Variants in INSL6 observed in about 807,000 individuals in gnomAD.
INSL6 encodes insulin like 6.
INSL6 carries 16 observed loss-of-function variants against 9.4 expected under a neutral mutation model. That is an observed-to-expected ratio of 1.70 (90% CI 1.15 to 2.59). The LOEUF (loss-of-function observed/expected upper bound fraction) is 2.59, where lower values mean the gene tolerates loss of function less well. Ranked by LOEUF, INSL6 falls within the 30% of genes most tolerant of loss-of-function variation. The probability of loss-of-function intolerance (pLI) is 0.00; values close to 1 mark genes in which losing one functional copy is unlikely to be tolerated. For synonymous variants in INSL6, 154 were observed against 96.9 expected (o/e 1.59, Z -3.46); for missense variants, 391 against 257.3 (o/e 1.52, Z -3.56).
chr9:5,105,578 T>C, the INSL6 span, among the ~76,000 whole-genome samples: 14 of 152,144 alleles, frequency 9.2e-5, no homozygotes, highest in African/African-American at 3.1e-4. Flanking sequence ...CAAGTTCATA[T>C]GGAACCAAAA....
At chr9:5,087,595 C>T in the INSL6 span, among the ~76,000 whole-genome samples, 5 of 152,134 alleles carry the variant, frequency 3.3e-5, no homozygotes, top group South Asian at 6.2e-4. Flanking sequence ...AGAGGCATTC[C>T]GAATTAAAAG....
chr9:5,016,408 T>C, the INSL6 span, among the ~76,000 whole-genome samples: 3 of 152,140 alleles, frequency 2.0e-5, no homozygotes, highest in African/African-American at 7.2e-5. Flanking sequence ...TGTGTGTGTG[T>C]TGAGGGCAAG....
chr9:5,090,357 G>T, the INSL6 span: 1 of 970,988 alleles, frequency 1.0e-6, no homozygotes, highest in African/African-American at 1.7e-5. Flanking sequence ...TTTCATATAT[G>T]TTTAAGTCAT....
the INSL6 span, chr9:5,044,299 G>A: frequency 5.6e-6 from 4 of 718,818 alleles, no homozygotes; most frequent in East Asian, 2.6e-5. Flanking sequence ...TGTTTTCTAA[G>A]TATGGGATAA....
the INSL6 span, among the ~76,000 whole-genome samples, chr9:5,015,353 G>T: frequency 6.6e-6 from 1 of 152,088 alleles, no homozygotes; most frequent in African/African-American, 2.4e-5. Flanking sequence ...ACCTATTCAA[G>T]GGTTTAATGA....
chr9:5,132,845 C>G (rs1824317516), intron 3 of INSL6: 1 of 152,178 alleles, frequency 6.6e-6, no homozygotes, highest in Non-Finnish European at 1.5e-5. Flanking sequence ...TTAAAATTCC[C>G]TGTTAAACAT....
chr9:5,088,873 C>T, the INSL6 span, among the ~76,000 whole-genome samples: 1 of 152,230 alleles, frequency 6.6e-6, no homozygotes, highest in East Asian at 1.9e-4. Flanking sequence ...ATCACCTCCT[C>T]ACAAGGCCCT....
intron 2 of INSL6, among the ~76,000 whole-genome samples, chr9:5,157,735 A>T (rs1824842692): frequency 6.6e-6 from 1 of 152,216 alleles, no homozygotes; most frequent in African/African-American, 2.4e-5. Flanking sequence ...TGGTACAAAT[A>T]AACCCAGACT....
In INSL6 at chr9:5,130,714, T is replaced by A. The variant is rs539121450; in HGVS notation, c.*10+2711A>T. Among the ~76,000 whole-genome samples the A allele has an allele frequency of 4.0e-3, 613 of 151,374 alleles. 3 individuals are homozygous for A. The highest frequency in any genetic ancestry group is 6.0e-3 in the Non-Finnish European group (410 of 67,804). ...AGTATGAATTTTCTTTTTTTTATTT[T>A]TTTTATTTTTTATTTTTTTTTTTAT... On this transcript the variant is annotated intron_variant, in intron 3 of 3. Transcript: ENST00000649639.
chr9:5,119,813 T>C (rs577606440), downstream of INSL6, among the ~76,000 whole-genome samples: 1 of 152,326 alleles, frequency 6.6e-6, no homozygotes, highest in Non-Finnish European at 1.5e-5. Context: ...ACAAAAAATA[T>C]ATACTGCTAA....
At chr9:5,124,212 A>T (rs1417989715) in exon 4 of INSL6, among the ~76,000 whole-genome samples, 3 of 151,822 alleles carry the variant, frequency 2.0e-5, no homozygotes, top group Non-Finnish European at 4.4e-5. Context: ...TTTTTAGCTT[A>T]ATAAAGTCTC....
Position 5,136,492 on chromosome 9 carries a change from T to C in INSL6, c.377-2900A>G, listed in dbSNP as rs149532867. ...TACTCAAATCAATAAACGTAATCCATCACATAAACAGAAACAATGAGAAAA... is the reference window on the plus strand; with the variant it reads ...TACTCAAATCAATAAACGTAATCCACCACATAAACAGAAACAATGAGAAAA... On this transcript the variant is annotated intron_variant, in intron 2 of 3. Coordinates refer to the INSL6 transcript ENST00000649639. 7.3e-5 allele frequency among the ~76,000 whole-genome samples: 11 copies of C among 151,662 alleles called. No individual in the cohort carries two copies. The East Asian group carries it at 2.1e-3, about 29-fold the overall frequency.
chr9:5,104,322 G>A, the INSL6 span, among the ~76,000 whole-genome samples: 3 of 152,214 alleles, frequency 2.0e-5, no homozygotes, highest in East Asian at 5.8e-4. Flanking sequence ...AGAAGAAATG[G>A]ATAAATTCCT....
chr9:5,089,783 A>G, the INSL6 span: 55 of 1,600,082 alleles, frequency 3.4e-5, no homozygotes, highest in Middle Eastern at 1.7e-3. Flanking sequence ...CACCTAAGAG[A>G]CTTTGAAAGG....
At chr9:5,114,530 G>A in the INSL6 span, 1 of 468,248 alleles carries the variant, frequency 2.1e-6, no homozygotes, top group South Asian at 1.7e-5. Context: ...AAGAGCCGAG[G>A]AACCAGGACA....
At position 5,185,604 on chromosome 9, in the gene INSL6, C is replaced by G. The variant is rs1319170705; in HGVS notation, c.-2G>C. 1.2e-6 allele frequency: 2 copies of G among 1,610,174 alleles called. No homozygotes were observed. The highest frequency in any genetic ancestry group is 1.7e-6 in the Non-Finnish European group (2 of 1,179,100). Reference sequence around the variant, plus strand: ...GGACAAGCGGAGGAGCCGCGGCATCCCTGTGACCCCAGGCTAGTCCTCCGC... The same window carrying G: ...GGACAAGCGGAGGAGCCGCGGCATCGCTGTGACCCCAGGCTAGTCCTCCGC... On this transcript the variant is annotated 5_prime_UTR_variant, in exon 1 of 2. Transcript: ENST00000381641.
At chr9:5,175,162 G>C (rs182539337) in intron 1 of INSL6, among the ~76,000 whole-genome samples, 1 of 151,946 alleles carries the variant, frequency 6.6e-6, no homozygotes, top group Non-Finnish European at 1.5e-5. Context: ...GGATGGTCTC[G>C]ATCTCCTGAC....
chr9:5,086,227 A>G, the INSL6 span: 1 of 610,176 alleles, frequency 1.6e-6, no homozygotes, highest in Non-Finnish European at 2.1e-6. Flanking sequence ...CCACGGTCGG[A>G]GTCTGAAAGT....
chr9:5,162,431 AT>A, downstream of INSL6, among the ~76,000 whole-genome samples: 1 of 152,130 alleles, frequency 6.6e-6, no homozygotes, highest in Non-Finnish European at 1.5e-5. Flanking sequence ...TAATATCATA[AT>A]TTTCTAATTG....
Sources: gnomAD v4.1 joint callset for allele counts (sites outside exome capture counted in the v4.1 genomes callset) on GRCh38, gnomAD v4.1.1 for gene constraint, MANE v1.5 for transcripts, NCBI Gene and HGNC (gene_info 2026-07-23, HGNC 2026-07-21) for gene names.